Variants in PCDH9 observed in about 807,000 individuals in gnomAD.
The protein encoded by PCDH9 is protocadherin-9.
A neutral mutation model predicts 70.6 loss-of-function variants in PCDH9; 24 were observed. The ratio of observed to expected loss-of-function variants is 0.34; its 90% CI spans 0.25 to 0.48. The LOEUF is 0.48. Ranked by LOEUF, PCDH9 falls within the 20% of genes least tolerant of loss-of-function variation. The pLI, the probability that PCDH9 is intolerant of heterozygous loss-of-function variation, is 0.99. For missense variants in PCDH9, 1,281 were observed against 1,503.6 expected, an observed-to-expected ratio of 0.85 and a Z score of 2.45; for synonymous variants, 562 against 558.5, an observed-to-expected ratio of 1.01 and a Z score of -0.09.
At chr13:67,115,734 C>G (rs972601745) in intron 2 of PCDH9, among the ~76,000 whole-genome samples, 1 of 149,924 alleles carries the variant, frequency 6.7e-6, no homozygotes, top group African/African-American at 2.5e-5. Flanking sequence ...TTTTGGCATT[C>G]CTTATCTGAC....
intron 3 of PCDH9, among the ~76,000 whole-genome samples, chr13:66,705,713 C>T (rs1252714093): frequency 6.6e-6 from 1 of 152,018 alleles, no homozygotes; most frequent in Non-Finnish European, 1.5e-5. Flanking sequence ...TATAGAATTA[C>T]AAGAGAAATA....
intron 3 of PCDH9, among the ~76,000 whole-genome samples, chr13:66,881,880 A>G (rs1026870170): frequency 1.3e-5 from 2 of 152,200 alleles, no homozygotes; most frequent in African/African-American, 4.8e-5. Context: ...GAACAGGAGA[A>G]CTTTACAGGT....
intron 4 of PCDH9, among the ~76,000 whole-genome samples, chr13:66,463,540 T>C (rs929664588): frequency 5.3e-5 from 8 of 151,988 alleles, no homozygotes; most frequent in African/African-American, 1.9e-4. Context: ...TTATTGTGCA[T>C]TTAAAACACA....
chr13:66,929,784 G>A (rs139889382), intron 2 of PCDH9, among the ~76,000 whole-genome samples: 200 of 152,280 alleles, frequency 1.3e-3, no homozygotes, highest in African/African-American at 4.5e-3. Flanking sequence ...TAAGGAAAAT[G>A]TTGGTAGATA....
Position 66,778,297 on chromosome 13 carries a change from A to T in PCDH9, c.3138+125207T>A, listed in dbSNP as rs182895281. 1.9e-3 allele frequency among the ~76,000 whole-genome samples: 283 copies of T among 152,148 alleles called. 2 individuals carry two copies. Among genetic ancestry groups the T allele is most frequent in the Non-Finnish European group, 1.6e-3 (111 of 68,006 alleles). ...TAAAGTATAATAATAATAATAATAA[A>T]AATACTCTCTGCTCTTTAATCTTCT... On this transcript the variant is annotated intron_variant, in intron 3 of 4. Transcript: ENST00000377865.
At chr13:66,404,937 C>T (rs1346994119) in intron 4 of PCDH9, among the ~76,000 whole-genome samples, 1 of 152,110 alleles carries the variant, frequency 6.6e-6, no homozygotes, top group East Asian at 1.9e-4. Context: ...ATCCTCTTTC[C>T]ATTTTTTTAT....
chr13:66,562,208 A>C (rs1291389917), intron 4 of PCDH9, among the ~76,000 whole-genome samples: 2 of 152,140 alleles, frequency 1.3e-5, no homozygotes, highest in Admixed American at 1.3e-4. Context: ...AGGAAAAAAA[A>C]AATCAAACTT....
intron 4 of PCDH9, among the ~76,000 whole-genome samples, chr13:66,345,081 A>T (rs145800122): frequency 1.3e-5 from 2 of 152,260 alleles, no homozygotes; most frequent in Non-Finnish European, 2.9e-5. Flanking sequence ...TCTGTGCTCC[A>T]TGCCTTTTTC....
intron 4 of PCDH9, among the ~76,000 whole-genome samples, chr13:66,534,092 A>AT (rs1410140581): frequency 6.6e-6 from 1 of 152,120 alleles, no homozygotes; most frequent in African/African-American, 2.4e-5. Context: ...AACCAAACAA[A>AT]TTCACAACTG....
chr13:67,165,154 T>A (rs1205688132), intron 2 of PCDH9, among the ~76,000 whole-genome samples: 1 of 152,172 alleles, frequency 6.6e-6, no homozygotes, highest in Non-Finnish European at 1.5e-5. Context: ...TAAAACTTAA[T>A]TTCTTTGATA....
intron 2 of PCDH9, among the ~76,000 whole-genome samples, chr13:67,053,784 C>T (rs2085367491): frequency 6.6e-6 from 1 of 152,100 alleles, no homozygotes; most frequent in East Asian, 1.9e-4. Context: ...TTTATCCAGG[C>T]CCATGTTTGA....
intron 2 of PCDH9, chr13:67,222,204 G>A (rs992043020): frequency 9.2e-5 from 13 of 141,186 alleles, no homozygotes; most frequent in African/African-American, 2.9e-4. Context: ...TAATGTTGTC[G>A]TTTTCATCCT....
intron 2 of PCDH9, among the ~76,000 whole-genome samples, chr13:67,120,994 C>A (rs2086867464): frequency 5.3e-5 from 8 of 151,676 alleles, no homozygotes; most frequent in Admixed American, 5.3e-4. Context: ...CACAATCTAT[C>A]TACTTATTAA....
At chr13:67,126,998 C>T (rs1000349851) in intron 2 of PCDH9, among the ~76,000 whole-genome samples, 1 of 152,112 alleles carries the variant, frequency 6.6e-6, no homozygotes, top group African/African-American at 2.4e-5. Context: ...TTTCTGTTCC[C>T]TTAAGTCAAT....
At chr13:67,023,366 G>A (rs150182262) in intron 2 of PCDH9, among the ~76,000 whole-genome samples, 2 of 152,050 alleles carry the variant, frequency 1.3e-5, no homozygotes, top group Non-Finnish European at 2.9e-5. Flanking sequence ...TAACACAATC[G>A]CAGGACTTCA....
intron 3 of PCDH9, among the ~76,000 whole-genome samples, chr13:66,732,856 T>C (rs2079095886): frequency 6.6e-6 from 1 of 152,072 alleles, no homozygotes; most frequent in African/African-American, 2.4e-5. Flanking sequence ...AGATATTTTA[T>C]GGCAGATACT....
intron 2 of PCDH9, chr13:67,211,396 A>G (rs2089464778): frequency 6.6e-6 from 1 of 152,068 alleles, no homozygotes; most frequent in Admixed American, 6.6e-5. Context: ...TTCTGGCAAT[A>G]AAGATTTATC....
At chr13:66,670,774 T>C (rs1356339830) in intron 3 of PCDH9, among the ~76,000 whole-genome samples, 2 of 152,030 alleles carry the variant, frequency 1.3e-5, no homozygotes, top group Non-Finnish European at 2.9e-5. Flanking sequence ...ATGTTATGGA[T>C]TGAAATGTGT....
At chr13:67,072,247 A>G (rs369503712) in intron 2 of PCDH9, among the ~76,000 whole-genome samples, 2 of 152,244 alleles carry the variant, frequency 1.3e-5, no homozygotes, top group East Asian at 1.9e-4. Context: ...TGAGGCCACA[A>G]AAAGAATTAT....
Sources: gnomAD v4.1 joint callset for allele counts (sites outside exome capture counted in the v4.1 genomes callset) on GRCh38, gnomAD v4.1.1 for gene constraint, MANE v1.5 for transcripts, NCBI Gene and HGNC (gene_info 2026-07-23, HGNC 2026-07-21) for gene names.